EPN2: variants seen among roughly 807,000 people sequenced by gnomAD.
EPN2 encodes the protein epsin 2.
EPN2 carries 34 observed loss-of-function variants against 61.7 expected under a neutral mutation model. The ratio of observed to expected loss-of-function variants is 0.55; its 90% CI spans 0.42 to 0.73. The LOEUF is 0.73. Among genes scored for constraint, EPN2 ranks in the 30% least tolerant of loss-of-function variants. The probability of loss-of-function intolerance (pLI) is 0.00; values close to 1 mark genes in which losing one functional copy is unlikely to be tolerated. For synonymous variants in EPN2, 349 were observed against 353.6 expected, an observed-to-expected ratio of 0.99 and a Z score of 0.15; for missense variants, 714 against 839.2, an observed-to-expected ratio of 0.85 and a Z score of 1.84.
chr17:19,238,037 G>A (rs187293822), intron 1 of EPN2, among the ~76,000 whole-genome samples: 1,535 of 152,128 alleles, frequency 0.01, 24 homozygotes, highest in African/African-American at 0.035. Context: ...CCTTATCTCT[G>A]TCCGGGATCC....
At chr17:19,275,104 C>T (rs1329727043) in intron 1 of EPN2, among the ~76,000 whole-genome samples, 2 of 152,186 alleles carry the variant, frequency 1.3e-5, no homozygotes, top group African/African-American at 2.4e-5. Context: ...GTGCCGAGCC[C>T]TCCTGGGGAG....
At chr17:19,288,174 C>T (rs992318622) in intron 4 of EPN2, among the ~76,000 whole-genome samples, 8 of 152,286 alleles carry the variant, frequency 5.3e-5, no homozygotes, top group South Asian at 2.1e-4. Context: ...CCTCCTGTTC[C>T]GGCGGAAGCA....
intron 8 of EPN2, 199 bp downstream of exon 8, chr17:19,329,086 C>T (rs12949996): frequency 2.0e-4 from 107 of 526,038 alleles, no homozygotes; most frequent in Non-Finnish European, 3.1e-4. Context: ...AGGCTTTGTG[C>T]GCTGGTACCT....
chr17:19,283,732 T>G lies in EPN2; in HGVS notation c.595+18T>G. 6.5e-7 allele frequency: 1 copy of G among 1,535,102 alleles called. No individual in the cohort carries two copies. Among genetic ancestry groups the G allele is most frequent in the Non-Finnish European group, 8.8e-7 (1 of 1,139,636 alleles). Reference sequence around the variant, plus strand: ...CCATGGCTGTGAGTAATGGAAGTGCTTCTCACCCTTTGCCAGAGCAGCAGC... The same window carrying G: ...CCATGGCTGTGAGTAATGGAAGTGCGTCTCACCCTTTGCCAGAGCAGCAGC... On this transcript the variant is annotated intron_variant, in intron 3 of 10. Transcript: ENST00000314728. This position sits in a 1 kb window ranked among gnomAD's most constrained non-coding sequence, Gnocchi z 7.0.
rs368223138 is a variant in EPN2, at chr17:19,329,607, C to T, written c.1371C>T (p.Asp457=). The T allele has an allele frequency of 4.3e-6, 7 of 1,613,502 alleles. No individual in the cohort carries two copies. Among genetic ancestry groups the T allele is most frequent in the Non-Finnish European group, 5.9e-6 (7 of 1,179,482 alleles). ...ATCTGAATGGTACAATTAAAGATGA[C>T]TTTTCTGAATTTGACAACCTTCGGA... The part of the protein sequence containing the change: ...FSNLNGTIKD[D]FSEFDNLRTS... The change falls in exon 9 of 11, where the codon GAC becomes GAT. Residue 457 remains aspartate (D), a synonymous_variant. Transcript: ENST00000314728.
chr17:19,328,288 G>A (rs1906990267), intron 7 of EPN2, among the ~76,000 whole-genome samples: 1 of 152,162 alleles, frequency 6.6e-6, no homozygotes, highest in Non-Finnish European at 1.5e-5. Flanking sequence ...CAGAGCCTGG[G>A]CCGAGGTGGG....
chr17:19,332,202 A>G (rs1052964193), intron 10 of EPN2, 134 bp downstream of exon 10: 1 of 694,846 alleles, frequency 1.4e-6, no homozygotes, highest in South Asian at 1.8e-5. Context: ...ATGATTACGT[A>G]TGCCCTCGCC....
At chr17:19,243,931 G>A (rs1376371030) in intron 1 of EPN2, among the ~76,000 whole-genome samples, 1 of 152,176 alleles carries the variant, frequency 6.6e-6, no homozygotes, top group Non-Finnish European at 1.5e-5. Context: ...GACTTTATGG[G>A]AAGGTGTGTA....
intron 9 of EPN2, 87 bp downstream of exon 9, chr17:19,329,734 C>T (rs918147745): frequency 4.0e-6 from 3 of 750,304 alleles, no homozygotes; most frequent in Non-Finnish European, 6.7e-6. Flanking sequence ...CTTTCAAAAC[C>T]CTTCAGCTTC....
At chr17:19,333,695 G>A (rs547419846) in intron 10 of EPN2, among the ~76,000 whole-genome samples, 6 of 152,200 alleles carry the variant, frequency 3.9e-5, no homozygotes, top group African/African-American at 9.6e-5. Context: ...CGAGATGGGT[G>A]TGTTCCTGGC....
At chr17:19,265,926 G>C (rs1239174328) in intron 1 of EPN2, among the ~76,000 whole-genome samples, 2 of 152,072 alleles carry the variant, frequency 1.3e-5, no homozygotes, top group Non-Finnish European at 2.9e-5. Context: ...ACTGACATTT[G>C]GTCATCAGGG....
intron 1 of EPN2, among the ~76,000 whole-genome samples, chr17:19,245,518 C>T (rs1407813363): frequency 1.3e-5 from 2 of 150,146 alleles, no homozygotes; most frequent in Admixed American, 6.6e-5. Context: ...CTCACTGCAG[C>T]CTCTGCCTCC....
chr17:19,283,755 A>C lies in EPN2; in HGVS notation c.595+41A>C. 7.0e-7 allele frequency: 1 copy of C among 1,434,796 alleles called. No homozygotes were observed. The highest frequency in any genetic ancestry group is 9.4e-7 in the Non-Finnish European group (1 of 1,068,684). 88.9% of individuals were successfully genotyped at this position (1,434,796 alleles called of 1,614,324 possible). A position where few individuals can be genotyped will look rare whatever the true frequency, so the allele number is the denominator to read the frequency against. On this transcript the variant is annotated intron_variant, in intron 3 of 10. Coordinates refer to ENST00000314728, the MANE Select transcript of EPN2 (RefSeq NM_014964.5). The surrounding 1 kb of genome is among the most constrained non-coding windows in gnomAD (Gnocchi z 7.0). ...GCTTCTCACCCTTTGCCAGAGCAGC[A>C]GCAATGGGTGACAGGCAGGGTGGGT...
At chr17:19,242,690 A>G (rs937077597) in intron 1 of EPN2, among the ~76,000 whole-genome samples, 11 of 152,226 alleles carry the variant, frequency 7.2e-5, no homozygotes, top group African/African-American at 2.7e-4. Flanking sequence ...AATACAAGGA[A>G]TTGGACATGC....
At chr17:19,315,966 A>G (rs902788057) in intron 7 of EPN2, among the ~76,000 whole-genome samples, 8 of 152,208 alleles carry the variant, frequency 5.3e-5, no homozygotes, top group African/African-American at 1.7e-4. Context: ...TGGACATTTC[A>G]TAGAAACGGA....
At position 19,283,659 on chromosome 17, in the gene EPN2, C is replaced by T. The variant is rs2045379042; in HGVS notation, c.540C>T (p.Ser180=). ...RGSSQPNLST[S]HSEQEYGKAG... ...CCAGCCAGCCCAACCTCTCCACCAG[C>T]CACTCGGAGCAGGAGTATGGCAAGG... Residue 180 remains serine (S), a synonymous_variant, in exon 3 of 11, where the codon AGC becomes AGT. Transcript: ENST00000314728. This position sits in a 1 kb window ranked among gnomAD's most constrained non-coding sequence, Gnocchi z 7.0. 6.2e-7 allele frequency: 1 copy of T among 1,613,820 alleles called. No homozygotes were observed. Among genetic ancestry groups the T allele is most frequent in the African/African-American group, 1.3e-5 (1 of 74,954 alleles).
At chr17:19,268,951 A>G (rs940191809) in intron 1 of EPN2, among the ~76,000 whole-genome samples, 1 of 152,092 alleles carries the variant, frequency 6.6e-6, no homozygotes, top group African/African-American at 2.4e-5. Context: ...GGGACTGAAA[A>G]CCCAATACCA....
intron 1 of EPN2, among the ~76,000 whole-genome samples, chr17:19,264,050 C>T (rs2045171155): frequency 1.3e-5 from 2 of 152,206 alleles, no homozygotes; most frequent in Non-Finnish European, 2.9e-5. Flanking sequence ...TCTGCACACG[C>T]ACCCAGTTGT....
intron 4 of EPN2, among the ~76,000 whole-genome samples, chr17:19,297,925 GTCACC>G (rs2045536781): frequency 6.6e-6 from 1 of 152,170 alleles, no homozygotes; most frequent in African/African-American, 2.4e-5. Flanking sequence ...GTCTCACTCT[GTCACC>G]CAGTGGCACG....
Sources: allele counts gnomAD v4.1 joint callset (sites outside exome capture counted in the v4.1 genomes callset), GRCh38; gene constraint gnomAD v4.1.1; non-coding constraint Gnocchi (gnomAD v3.1); transcripts MANE v1.5; gene names NCBI Gene and HGNC (gene_info 2026-07-23, HGNC 2026-07-21).